NFX1: variants seen among roughly 807,000 people sequenced by gnomAD.
The protein encoded by NFX1 is nuclear transcription factor, X-box binding 1, also known as transcriptional repressor NF-X1.
NFX1 carries 69 observed loss-of-function variants against 137.2 expected under a neutral mutation model. That is an observed-to-expected ratio of 0.50 (90% confidence interval 0.41 to 0.61). The LOEUF (loss-of-function observed/expected upper bound fraction) is 0.61. Among genes scored for constraint, NFX1 ranks in the 20% least tolerant of loss-of-function variants. NFX1 has a pLI of 0.00. For synonymous variants in NFX1, 495 were observed against 474.1 expected (o/e 1.04, Z -0.57); for missense variants, 1,167 against 1,391.0 (o/e 0.84, Z 2.56).
intron 11 of NFX1, among the ~76,000 whole-genome samples, chr9:33,334,040 G>A (rs1395419648): frequency 6.6e-6 from 1 of 152,206 alleles, no homozygotes; most frequent in Non-Finnish European, 1.5e-5. Context: ...AGCTACTCAG[G>A]AGGCTGAGGC....
At position 33,295,399 on chromosome 9, in the gene NFX1, T is replaced by C. The variant is rs773874168; in HGVS notation, c.1005T>C (p.His335=). The change falls in exon 2 of 24, where the codon CAT becomes CAC. Residue 335 remains histidine, a synonymous_variant. Transcript: ENST00000379540. ...VSPFSRGKQN[H]VLKNVETHTG... ...CTTTCTCCCGAGGCAAACAGAACCA[T>C]GTGCTAAAGAATGTGGAAACGCACA... 2 of 1,613,590 alleles carry C rather than the reference T, an allele frequency of 1.2e-6. No homozygotes were observed. The highest frequency in any genetic ancestry group is 1.7e-6 in the Non-Finnish European group (2 of 1,179,590).
intron 15 of NFX1, chr9:33,348,855 T>A (rs1036047946): frequency 2.3e-6 from 2 of 875,666 alleles, no homozygotes; most frequent in Non-Finnish European, 2.7e-6. Context: ...TGATACTGTT[T>A]GCTACATTCC....
chr9:33,313,477 G>A (rs1822039605), intron 6 of NFX1, among the ~76,000 whole-genome samples, 177 bp from the exon 7 acceptor site: 1 of 151,858 alleles, frequency 6.6e-6, no homozygotes, highest in African/African-American at 2.4e-5. Context: ...GTGGAGAAAG[G>A]GAGAGTAATT....
At chr9:33,326,059 TA>T (rs1318562613) in intron 9 of NFX1, among the ~76,000 whole-genome samples, 22 of 152,286 alleles carry the variant, frequency 1.4e-4, no homozygotes, top group African/African-American at 4.1e-4. Flanking sequence ...AAGAAAATGA[TA>T]CCAGATCACA....
rs879750709 is a variant in NFX1 at position 33,351,461 on chromosome 9, C to A, written c.2425-99C>A. On this transcript the variant is annotated intron_variant, in intron 15 of 23. Coordinates refer to ENST00000379540, the MANE Select transcript of NFX1 (RefSeq NM_002504.6). ...CCTATATCCGAAAACAAAACAAAAC[C>A]AAACCCTGCCATAAGCTTAGAAATG... 100 of 1,210,850 alleles carry A rather than the reference C, an allele frequency of 8.3e-5. No homozygotes were observed. The East Asian group carries it at 2.0e-3, about 24-fold the overall frequency. 75.0% of individuals were successfully genotyped at this position (1,210,850 alleles called of 1,614,324 possible). A position where few individuals can be genotyped will look rare whatever the true frequency, so the allele number is the denominator to read the frequency against.
At chr9:33,313,164 G>A (rs1296239854) in intron 6 of NFX1, among the ~76,000 whole-genome samples, 1 of 152,050 alleles carries the variant, frequency 6.6e-6, no homozygotes, top group Admixed American at 6.6e-5. Context: ...TTCTCCTTAC[G>A]CATGCTGCTT....
intron 13 of NFX1, 39 bp downstream of exon 13, chr9:33,342,893 T>C: frequency 2.2e-6 from 3 of 1,370,982 alleles, no homozygotes; most frequent in Non-Finnish European, 3.1e-6. Flanking sequence ...GAAGAGTTTT[T>C]TAGAAATTCA....
intron 6 of NFX1, among the ~76,000 whole-genome samples, chr9:33,312,881 C>G (rs1309596431): frequency 6.6e-6 from 1 of 151,946 alleles, no homozygotes; most frequent in Non-Finnish European, 1.5e-5. Context: ...AAATAAACAA[C>G]AACAAAAAAG....
rs1822050527 is a variant in NFX1, at chr9:33,313,754, G to A, written c.1549G>A (p.Gly517Arg). The change falls in exon 7 of 24, where the codon GGG becomes AGG. Residue 517 changes from glycine (G) to arginine (R), a missense_variant. Coordinates refer to ENST00000379540, the MANE Select transcript of NFX1 (RefSeq NM_002504.6). ...GQHQCAELCHGGQCQPCQIIL... is the reference protein window; with the variant it reads ...GQHQCAELCHRGQCQPCQIIL... The stretch of plus-strand genomic sequence containing the variant: ...GCACCAGTGTGCTGAGCTGTGCCAT[G>A]GGGGTCAGTGCCAGCCTTGCCAGAT... 1 of 1,614,118 alleles carries A rather than the reference G, an allele frequency of 6.2e-7. No homozygotes were observed. Among genetic ancestry groups the A allele is most frequent in the Middle Eastern group, 1.7e-4 (1 of 6,058 alleles).
chr9:33,360,969 G>T (rs550637146), intron 19 of NFX1, among the ~76,000 whole-genome samples: 1 of 152,296 alleles, frequency 6.6e-6, no homozygotes, highest in South Asian at 2.1e-4. Context: ...TTGAATGTTG[G>T]TGAGATGCCA....
Position 33,323,916 on chromosome 9 carries a change from ATT to A in NFX1, c.1907-4664_1907-4663del, listed in dbSNP as rs201064944. ...AGTTTTAAAAGAGGCCCAAATGGAA[ATT>A]CTGAAGTTTAAAAGTAGGATAACCG... On this transcript the variant is annotated intron_variant, in intron 9 of 23. Coordinates refer to ENST00000379540, the MANE Select transcript of NFX1 (RefSeq NM_002504.6). 9.7e-3 allele frequency among the ~76,000 whole-genome samples: 1,483 copies of A among 152,320 alleles called. 19 individuals carry two copies. The highest frequency in any genetic ancestry group is 0.033 in the African/African-American group (1,381 of 41,564).
At chr9:33,364,438 ATGC>A (rs1302259768) in intron 20 of NFX1, among the ~76,000 whole-genome samples, 1 of 152,068 alleles carries the variant, frequency 6.6e-6, no homozygotes, top group Non-Finnish European at 1.5e-5. Context: ...TCACATTCAC[ATGC>A]GTTCTCAGTT....
At chr9:33,348,879 C>CAA (rs11381680) in intron 15 of NFX1, among the ~76,000 whole-genome samples, 3 of 144,834 alleles carry the variant, frequency 2.1e-5, no homozygotes, top group Non-Finnish European at 3.1e-5. Context: ...TGTCCTATAC[C>CAA]AAAAAAAAAA....
At chr9:33,360,426 T>C (rs1466013162) in intron 19 of NFX1, among the ~76,000 whole-genome samples, 1 of 152,218 alleles carries the variant, frequency 6.6e-6, no homozygotes, top group Non-Finnish European at 1.5e-5. Flanking sequence ...GCACAAGAGC[T>C]TGGCACATAG....
chr9:33,357,799 C>T (rs948516447), intron 19 of NFX1, among the ~76,000 whole-genome samples: 3 of 151,694 alleles, frequency 2.0e-5, no homozygotes, highest in Non-Finnish European at 2.9e-5. Flanking sequence ...CCTGCCTTGG[C>T]CCCACAAAGT....
intron 9 of NFX1, among the ~76,000 whole-genome samples, chr9:33,322,655 GAAGC>G (rs1413907688): frequency 6.6e-6 from 1 of 152,144 alleles, no homozygotes; most frequent in Admixed American, 6.6e-5. Flanking sequence ...TCCACTGAGA[GAAGC>G]AAGCCAAGAA....
chr9:33,364,792 C>G lies in NFX1; in HGVS notation c.3039+18C>G. ...TGAATAAGGTTGAAGTCGAAACATC[C>G]CACTGGACATTTCTCTAAGGCCAGC... On this transcript the variant is annotated intron_variant, in intron 21 of 23. Transcript: ENST00000379540. The G allele has an allele frequency of 1.9e-6, 3 of 1,613,372 alleles. No homozygotes were observed. The highest frequency in any genetic ancestry group is 2.5e-6 in the Non-Finnish European group (3 of 1,179,694).
At chr9:33,368,165 G>A (rs1824224126) in intron 23 of NFX1, among the ~76,000 whole-genome samples, 1 of 152,066 alleles carries the variant, frequency 6.6e-6, no homozygotes, top group Admixed American at 6.5e-5. Context: ...AACCTTGGAG[G>A]CAGAGGTTGC....
Position 33,364,089 on chromosome 9 carries a change from A to G in NFX1, c.2953A>G (p.Ser985Gly), listed in dbSNP as rs2118695967. Reference protein sequence around the residue: ...IRSSGSKFSDSLKEDARKDLK... With the variant: ...IRSSGSKFSDGLKEDARKDLK... ...TTCTTCAGGGTCAAAATTCAGTGATAGTTTGAAAGAAGATGCCAGGTATGT... is the reference window on the plus strand; with the variant it reads ...TTCTTCAGGGTCAAAATTCAGTGATGGTTTGAAAGAAGATGCCAGGTATGT... The change falls in exon 20 of 24, where the codon AGT becomes GGT. Residue 985 changes from serine (S) to glycine (G), a missense_variant. Ser to Gly is a moderately conservative substitution (Grantham distance 56). Coordinates refer to ENST00000379540, the MANE Select transcript of NFX1 (RefSeq NM_002504.6). The G allele has an allele frequency of 1.9e-6, 3 of 1,603,574 alleles. No homozygotes were observed. Among genetic ancestry groups the G allele is most frequent in the African/African-American group, 1.3e-5 (1 of 74,470 alleles).
Sources: gnomAD v4.1 joint callset for allele counts (sites outside exome capture counted in the v4.1 genomes callset) on GRCh38, gnomAD v4.1.1 for gene constraint, MANE v1.5 for transcripts, NCBI Gene and HGNC (gene_info 2026-07-23, HGNC 2026-07-21) for gene names.